Variants in DNAH5 observed in about 807,000 individuals in gnomAD.
DNAH5 encodes dynein axonemal heavy chain 5, also known as axonemal beta dynein heavy chain 5.
A neutral mutation model predicts 518.2 loss-of-function variants in DNAH5; 372 were observed. The ratio of observed to expected loss-of-function variants is 0.72; its 90% CI spans 0.66 to 0.78. The LOEUF is 0.78. Ranked by LOEUF, DNAH5 falls within the 30% of genes least tolerant of loss-of-function variation. The pLI, the probability that DNAH5 is intolerant of heterozygous loss-of-function variation, is 0.00. For missense variants in DNAH5, 5,523 were observed against 5,687.0 expected, an observed-to-expected ratio of 0.97 and a Z score of 0.93; for synonymous variants, 2,039 against 2,025.9, an observed-to-expected ratio of 1.01 and a Z score of -0.17.
At chr5:13,974,441 G>T (rs1237238741) in intron 1 of DNAH5, among the ~76,000 whole-genome samples, 1 of 152,184 alleles carries the variant, frequency 6.6e-6, no homozygotes. Context: ...TTTTCTTTTA[G>T]AGAATATCCC....
At chr5:14,008,604 A>G (rs944904198) in intron 1 of DNAH5, among the ~76,000 whole-genome samples, 1 of 152,000 alleles carries the variant, frequency 6.6e-6, no homozygotes, top group Non-Finnish European at 1.5e-5. Context: ...ACTGCACTCC[A>G]GCCTGGGCAA....
rs755156014 is a variant in DNAH5, at chr5:13,885,242, A to G, written c.2744-14T>C. The G allele has an allele frequency of 6.2e-7, 1 of 1,613,708 alleles. No homozygotes were observed. The highest frequency in any genetic ancestry group is 8.5e-7 in the Non-Finnish European group (1 of 1,179,858). ...CTTCTCTTTTTGCTGTTACAAGATG[A>G]AAGAGATAGAGATAGAGATAAGTTA... is the stretch of plus-strand genomic sequence containing the variant. On this transcript the variant is annotated splice_polypyrimidine_tract_variant and intron_variant, in intron 18 of 78. Coordinates refer to ENST00000265104, the MANE Select transcript of DNAH5 (RefSeq NM_001369.3).
rs13180591 is a variant in DNAH5, at chr5:13,914,666, G to T, written c.1198-24C>A. The T allele has an allele frequency of 0.39, 632,585 of 1,603,154 alleles. 131,882 individuals carry two copies. The highest frequency in any genetic ancestry group is 0.84 in the East Asian group (37,693 of 44,752). On this transcript the variant is annotated intron_variant, in intron 9 of 78. Coordinates refer to ENST00000265104, the MANE Select transcript of DNAH5 (RefSeq NM_001369.3). Reference sequence around the variant, plus strand: ...ACCTGGGATTTTCCAATAAAATGATGTTAAGCACATAAAACAGCCATGGAT... The same window carrying T: ...ACCTGGGATTTTCCAATAAAATGATTTTAAGCACATAAAACAGCCATGGAT...
chr5:13,772,546 TC>T (rs1753485688), intron 55 of DNAH5, among the ~76,000 whole-genome samples: 1 of 152,204 alleles, frequency 6.6e-6, no homozygotes, highest in Non-Finnish European at 1.5e-5. Flanking sequence ...ATCTTCAATA[TC>T]CCATCACCAA....
chr5:13,751,298 A>G, intron 64 of DNAH5, 38 bp from the exon 65 acceptor site: 1 of 1,515,354 alleles, frequency 6.6e-7, no homozygotes, highest in South Asian at 1.2e-5. Flanking sequence ...AATAAAATAG[A>G]GATATACCTT....
chr5:13,708,092 A>T (rs376792381), intron 76 of DNAH5, 31 bp downstream of exon 76: 7 of 1,605,524 alleles, frequency 4.4e-6, no homozygotes, highest in Non-Finnish European at 8.5e-7. Flanking sequence ...TCATAAGTGA[A>T]CAGGCAGAAT....
chr5:13,878,353 C>G (rs546318280), intron 21 of DNAH5, among the ~76,000 whole-genome samples: 1 of 152,284 alleles, frequency 6.6e-6, no homozygotes, highest in Admixed American at 6.5e-5. Context: ...GGCTACACCC[C>G]CTCAGAACAA....
chr5:13,914,477 A>C, intron 10 of DNAH5, 43 bp downstream of exon 10: 1 of 1,597,822 alleles, frequency 6.3e-7, no homozygotes, highest in Non-Finnish European at 8.6e-7. Context: ...AACAAAAATA[A>C]GATAAAAAGA....
rs758493084 is a variant in DNAH5, at chr5:13,919,188, C to A, written c.963G>T (p.Ser321=). Residue 321 remains serine, a synonymous_variant, in exon 7 of 79, where the codon TCG becomes TCT. Coordinates refer to ENST00000265104, the MANE Select transcript of DNAH5 (RefSeq NM_001369.3). ...AATGGCTGACGACCTTCAGCAGTTT[C>A]GACTTGGCCGCCGCAAGCACTGCCA... ...AVLAVLAAAK[S]KLLKTWREMD... 2 of 1,613,826 alleles carry A rather than the reference C, an allele frequency of 1.2e-6. No individual in the cohort carries two copies. The highest frequency in any genetic ancestry group is 3.3e-5 in the Admixed American group (2 of 59,996).
intron 30 of DNAH5, among the ~76,000 whole-genome samples, chr5:13,858,809 C>A (rs1767982984): frequency 6.6e-6 from 1 of 152,036 alleles, no homozygotes; most frequent in African/African-American, 2.4e-5. Flanking sequence ...GCTTCTAAAA[C>A]TGAAATATAT....
chr5:13,854,271 G>C (rs573434120), intron 30 of DNAH5, among the ~76,000 whole-genome samples: 1 of 152,240 alleles, frequency 6.6e-6, no homozygotes, highest in Admixed American at 6.5e-5. Flanking sequence ...GCCAAACTAA[G>C]CTTCATAAAT....
At chr5:13,844,355 C>T (rs374112109) in intron 32 of DNAH5, among the ~76,000 whole-genome samples, 10 of 152,252 alleles carry the variant, frequency 6.6e-5, no homozygotes, top group African/African-American at 2.4e-4. Context: ...CGCAGCTGTG[C>T]AAGTGTAGTC....
At chr5:13,704,316 C>T (rs1742509734) in intron 76 of DNAH5, among the ~76,000 whole-genome samples, 1 of 147,982 alleles carries the variant, frequency 6.8e-6, no homozygotes, top group South Asian at 2.1e-4. Flanking sequence ...CTTCTGCTCC[C>T]ACACTCTCTT....
intron 30 of DNAH5, among the ~76,000 whole-genome samples, chr5:13,854,045 A>G (rs1318898899): frequency 6.6e-6 from 1 of 152,190 alleles, no homozygotes; most frequent in African/African-American, 2.4e-5. Context: ...TCTCCTCAAG[A>G]AGAGCAACCC....
chr5:13,842,930 T>C (rs895823050), intron 32 of DNAH5, among the ~76,000 whole-genome samples: 1 of 152,178 alleles, frequency 6.6e-6, no homozygotes, highest in Non-Finnish European at 1.5e-5. Flanking sequence ...AAAAGGGAGC[T>C]ACACAGTAAA....
chr5:13,978,657 C>G (rs1171115523), intron 1 of DNAH5, among the ~76,000 whole-genome samples: 1 of 152,194 alleles, frequency 6.6e-6, no homozygotes, highest in Non-Finnish European at 1.5e-5. Flanking sequence ...CGTGTTACAG[C>G]TGCCCACAGT....
chr5:14,004,718 G>A (rs1353403706), intron 1 of DNAH5, among the ~76,000 whole-genome samples: 2 of 152,168 alleles, frequency 1.3e-5, no homozygotes, highest in South Asian at 2.1e-4. Context: ...CACAGAGCAG[G>A]CCTTCAGAAA....
At chr5:13,905,947 A>G (rs980007074) in intron 12 of DNAH5, among the ~76,000 whole-genome samples, 14 of 152,250 alleles carry the variant, frequency 9.2e-5, no homozygotes, top group African/African-American at 3.1e-4. Flanking sequence ...TCAGTGCTAA[A>G]AAGAAATGAG....
At chr5:13,830,911 A>C in intron 35 of DNAH5, 136 bp from the exon 36 acceptor site, 2 of 780,540 alleles carry the variant, frequency 2.6e-6, no homozygotes, top group Non-Finnish European at 4.3e-6. Context: ...CGAATACAAC[A>C]TCCTAAAACA....
Sources: allele counts gnomAD v4.1 joint callset (sites outside exome capture counted in the v4.1 genomes callset), GRCh38; gene constraint gnomAD v4.1.1; transcripts MANE v1.5; gene names NCBI Gene and HGNC (gene_info 2026-07-23, HGNC 2026-07-21).